Variants in TET1 observed in about 807,000 individuals in gnomAD.
TET1 encodes the protein methylcytosine dioxygenase TET1.
A neutral mutation model predicts 148.7 loss-of-function variants in TET1; 13 were observed. The observed-to-expected ratio is 0.09, with a 90% CI of 0.06 to 0.14. TET1 has a LOEUF of 0.14. Among genes scored for constraint, TET1 ranks in the 10% least tolerant of loss-of-function variants. The pLI is 1.00. For missense variants in TET1, 2,182 were observed against 2,553.8 expected, an observed-to-expected ratio of 0.85 and a Z score of 3.14; for synonymous variants, 907 against 937.2, an observed-to-expected ratio of 0.97 and a Z score of 0.59.
chr10:68,637,579 G>T (rs1019677449), intron 3 of TET1, among the ~76,000 whole-genome samples: 3 of 141,458 alleles, frequency 2.1e-5, no homozygotes, highest in Admixed American at 7.5e-5. Context: ...AGGCTGGAGT[G>T]CTGTGGTGCC....
intron 2 of TET1, among the ~76,000 whole-genome samples, chr10:68,596,461 A>G (rs574988054): frequency 6.6e-6 from 1 of 151,738 alleles, no homozygotes; most frequent in Non-Finnish European, 1.5e-5. Flanking sequence ...CTAATATTTA[A>G]TTTTTTTTGT....
chr10:68,601,041 A>T lies in TET1; in HGVS notation c.1968+7A>T. 6.3e-7 allele frequency: 1 copy of T among 1,595,396 alleles called. No individual in the cohort carries two copies. The highest frequency in any genetic ancestry group is 8.5e-7 in the Non-Finnish European group (1 of 1,174,052). The stretch of plus-strand genomic sequence containing the variant: ...GAAGCCCAAAGTTTTAAAGGTAATC[A>T]GCTGTTGATTAAATAATATTTCATT... On this transcript the variant is annotated splice_region_variant and intron_variant, in intron 3 of 11. Coordinates refer to ENST00000373644, the MANE Select transcript of TET1 (RefSeq NM_030625.3).
rs887979795 is a variant in TET1, at chr10:68,675,972, C to T, written c.4824+2927C>T. On this transcript the variant is annotated intron_variant, in intron 8 of 11. Coordinates refer to ENST00000373644, the MANE Select transcript of TET1 (RefSeq NM_030625.3). ...CCGGGTTCAAGTGATTCACCTATCC[C>T]AGCCTCCTGAGTAGTTGGGATTACA... Among the ~76,000 whole-genome samples, 107 of 151,956 alleles carry T rather than the reference C, an allele frequency of 7.0e-4. 1 individual carries two copies. Among genetic ancestry groups the T allele is most frequent in the Non-Finnish European group, 1.2e-3 (82 of 68,020 alleles).
intron 3 of TET1, among the ~76,000 whole-genome samples, chr10:68,637,813 G>A (rs1469395848): frequency 3.3e-5 from 5 of 149,500 alleles, no homozygotes; most frequent in African/African-American, 1.2e-4. Flanking sequence ...TGGTTGCAGT[G>A]AGCCAAGATG....
intron 3 of TET1, among the ~76,000 whole-genome samples, chr10:68,630,018 G>A (rs141204337): frequency 6.9e-4 from 105 of 152,252 alleles, no homozygotes; most frequent in African/African-American, 2.4e-3. Flanking sequence ...CCACTAGAGT[G>A]TAATCTCCAT....
intron 6 of TET1, among the ~76,000 whole-genome samples, chr10:68,657,773 C>A (rs533261320): frequency 6.7e-6 from 1 of 149,514 alleles, no homozygotes; most frequent in Non-Finnish European, 1.5e-5. Context: ...GTCCACCCCA[C>A]GCTTAAACTT....
At chr10:68,609,341 A>G (rs2054173633) in intron 3 of TET1, among the ~76,000 whole-genome samples, 1 of 151,980 alleles carries the variant, frequency 6.6e-6, no homozygotes, top group African/African-American at 2.4e-5. Flanking sequence ...TTGTATTTTT[A>G]GTAGAGATGG....
At chr10:68,672,507 A>AC (rs2055288089) in intron 7 of TET1, among the ~76,000 whole-genome samples, 2 of 148,644 alleles carry the variant, frequency 1.3e-5, no homozygotes, top group African/African-American at 4.9e-5. Context: ...AAAAAAAAAA[A>AC]AAAACACCAA....
At chr10:68,593,915 A>ATTTTT (rs3998851) in intron 2 of TET1, among the ~76,000 whole-genome samples, 9,679 of 44,794 alleles carry the variant, frequency 0.22, 3,202 homozygotes, top group Non-Finnish European at 0.28. Context: ...CGCCTGAGCT[A>ATTTTT]TTTTTTTTTT....
intron 8 of TET1, among the ~76,000 whole-genome samples, chr10:68,680,920 AATTC>A (rs1344884863): frequency 6.6e-6 from 1 of 152,236 alleles, no homozygotes; most frequent in Non-Finnish European, 1.5e-5. Flanking sequence ...ACATGTGTTT[AATTC>A]ATAAGGACAT....
rs1464804442 is a variant in TET1, at chr10:68,572,694, C to T, written c.356C>T (p.Pro119Leu). ...CTTAGCAGGCGACTCTCCCAACCCCCACTGGTCGTAGCCAAATCCAAAAAG... is the reference window on the plus strand; with the variant it reads ...CTTAGCAGGCGACTCTCCCAACCCCTACTGGTCGTAGCCAAATCCAAAAAG... ...TSLSRRLSQP[P>L]LVVAKSKKVP... Residue 119 changes from proline to leucine, a missense_variant, in exon 2 of 12, where the codon CCA (proline) becomes CTA (leucine). Physicochemically the swap from Pro to Leu is moderately conservative, Grantham distance 98 (BLOSUM62 -3). This residue lies in a region of TET1 where 665 missense variants were observed against 672.4 expected (regional missense o/e 0.99). Transcript: ENST00000373644. The T allele has an allele frequency of 1.2e-6, 2 of 1,614,016 alleles. No individual in the cohort carries two copies. Among genetic ancestry groups the T allele is most frequent in the Admixed American group, 1.7e-5 (1 of 59,984 alleles).
intron 6 of TET1, among the ~76,000 whole-genome samples, chr10:68,659,895 T>G (rs892771682): frequency 6.6e-6 from 1 of 152,228 alleles, no homozygotes; most frequent in Non-Finnish European, 1.5e-5. Flanking sequence ...CATTAATCCC[T>G]TTACAAAGGT....
At chr10:68,578,289 C>T (rs1218011932) in intron 2 of TET1, among the ~76,000 whole-genome samples, 4 of 152,096 alleles carry the variant, frequency 2.6e-5, no homozygotes, top group South Asian at 4.2e-4. Flanking sequence ...GACAAAGTCT[C>T]GCTCTGTCAC....
At chr10:68,637,937 G>A (rs4433474) in intron 3 of TET1, among the ~76,000 whole-genome samples, 59,490 of 151,766 alleles carry the variant, frequency 0.39, 11,825 homozygotes, top group East Asian at 0.44. Context: ...GTGCCACCTC[G>A]CCTGGCTAAT....
At position 68,646,915 on chromosome 10, in the gene TET1, A is replaced by C. The variant is rs755650127; in HGVS notation, c.4186A>C (p.Asn1396His). The C allele has an allele frequency of 3.7e-6, 6 of 1,614,042 alleles. No homozygotes were observed. Among genetic ancestry groups the C allele is most frequent in the Middle Eastern group, 1.6e-4 (1 of 6,084 alleles). ...STVDSAQKNFNDYAMNFFTNP... is the reference protein window; with the variant it reads ...STVDSAQKNFHDYAMNFFTNP... ...AGTGGACAGTGCACAGAAAAATTTT[A>C]ATGATTATGCCATGAACTTCTTTAC... The change falls in exon 4 of 12, where the codon AAT becomes CAT. Residue 1396 changes from asparagine (N) to histidine (H), a missense_variant. By Grantham distance (68) the Asn-to-His change is moderately conservative. Transcript: ENST00000373644.
chr10:68,676,357 C>G (rs1478596428), intron 8 of TET1, among the ~76,000 whole-genome samples: 2 of 136,974 alleles, frequency 1.5e-5, no homozygotes, highest in Non-Finnish European at 3.1e-5. Context: ...GATCTCATCT[C>G]ACTGCAAACT....
intron 3 of TET1, among the ~76,000 whole-genome samples, chr10:68,609,447 C>T (rs1356932031): frequency 6.6e-6 from 1 of 152,216 alleles, no homozygotes; most frequent in East Asian, 1.9e-4. Context: ...AGGCATGAGC[C>T]ACTGCCCCCG....
At chr10:68,589,396 C>A (rs1037861157) in intron 2 of TET1, among the ~76,000 whole-genome samples, 2 of 152,082 alleles carry the variant, frequency 1.3e-5, no homozygotes, top group African/African-American at 4.8e-5. Flanking sequence ...TGGAGCTAGC[C>A]TATCCCAATA....
chr10:68,562,204 T>C (rs2053562437), intron 1 of TET1, among the ~76,000 whole-genome samples: 2 of 151,904 alleles, frequency 1.3e-5, no homozygotes, highest in African/African-American at 4.8e-5. Flanking sequence ...GTGCTCGGCG[T>C]CCCCACCCCC....
Sources: allele counts gnomAD v4.1 joint callset (sites outside exome capture counted in the v4.1 genomes callset), GRCh38; gene constraint gnomAD v4.1.1; regional missense constraint gnomAD v4.1.1; transcripts MANE v1.5; gene names NCBI Gene and HGNC (gene_info 2026-07-23, HGNC 2026-07-21).